The following STXBP4 variants were observed in gnomAD, a reference collection of about 807,000 sequenced individuals.
The protein encoded by STXBP4 is syntaxin-binding protein 4.
In STXBP4, 55 loss-of-function variants were observed where a neutral mutation model predicts 76.1. That is an observed-to-expected ratio of 0.72 (90% CI 0.58 to 0.91). The LOEUF is 0.91. Among genes scored for constraint, STXBP4 ranks in the 40% least tolerant of loss-of-function variants. The pLI is 0.00. For synonymous variants in STXBP4, 201 were observed against 220.2 expected (o/e 0.91, Z 0.77); for missense variants, 618 against 636.9 (o/e 0.97, Z 0.32).
At chr17:54,993,488 T>A (rs950757875) in intron 4 of STXBP4, among the ~76,000 whole-genome samples, 4 of 53,970 alleles carry the variant, frequency 7.4e-5, no homozygotes, top group Admixed American at 3.9e-4. Context: ...AATAAAAAAA[T>A]TTATAGAAGT....
intron 17 of STXBP4, among the ~76,000 whole-genome samples, chr17:55,155,752 T>A (rs958097331): frequency 6.6e-6 from 1 of 152,132 alleles, no homozygotes; most frequent in Admixed American, 6.6e-5. Flanking sequence ...GTTGTCCTAA[T>A]TTTTATTTTG....
chr17:55,023,520 A>C (rs373153446), intron 8 of STXBP4, among the ~76,000 whole-genome samples: 2 of 152,276 alleles, frequency 1.3e-5, no homozygotes, highest in African/African-American at 4.8e-5. Flanking sequence ...AAAGGTGTGG[A>C]CTCAGCCACC....
At chr17:55,078,623 A>C in intron 14 of STXBP4, 63 bp from the exon 15 acceptor site, 1 of 1,040,734 alleles carries the variant, frequency 9.6e-7, no homozygotes, top group Non-Finnish European at 1.5e-6. Flanking sequence ...ATTAATGAAG[A>C]AAAGATATTT....
chr17:55,007,959 A>G (rs1276848830), intron 8 of STXBP4, among the ~76,000 whole-genome samples: 3 of 152,224 alleles, frequency 2.0e-5, no homozygotes, highest in Admixed American at 6.5e-5. Context: ...CAATCAAGTA[A>G]TAGTCCATTA....
intron 12 of STXBP4, among the ~76,000 whole-genome samples, chr17:55,055,097 A>G (rs920779354): frequency 6.6e-6 from 1 of 152,224 alleles, no homozygotes; most frequent in African/African-American, 2.4e-5. Context: ...TTAAGAGCCT[A>G]AACCTGTCAG....
intron 16 of STXBP4, among the ~76,000 whole-genome samples, chr17:55,106,206 T>C (rs2079632519): frequency 6.6e-6 from 1 of 152,214 alleles, no homozygotes; most frequent in African/African-American, 2.4e-5. Context: ...TTTACCATTA[T>C]ATAATGCCCT....
chr17:55,025,132 C>T (rs1304937033), intron 8 of STXBP4, among the ~76,000 whole-genome samples: 1 of 151,152 alleles, frequency 6.6e-6, no homozygotes, highest in Non-Finnish European at 1.5e-5. Context: ...CAGAGCGAGA[C>T]TCCGTCTCAA....
At chr17:55,090,906 AC>A (rs1175405969) in intron 16 of STXBP4, among the ~76,000 whole-genome samples, 2 of 151,412 alleles carry the variant, frequency 1.3e-5, no homozygotes, top group African/African-American at 4.9e-5. Flanking sequence ...TAGATAAAAA[AC>A]AAGAAAGGAA....
At chr17:54,986,573 T>C (rs2077629817) in intron 3 of STXBP4, among the ~76,000 whole-genome samples, 1 of 152,134 alleles carries the variant, frequency 6.6e-6, no homozygotes, top group African/African-American at 2.4e-5. Flanking sequence ...ATGCTATGAT[T>C]GTACCTGTTA....
chr17:54,969,047 C>G lies in STXBP4; in HGVS notation c.-157+232C>G, dbSNP rs577249240. Among the ~76,000 whole-genome samples, 87 of 152,324 alleles carry G rather than the reference C, an allele frequency of 5.7e-4. 1 individual carries two copies. Among genetic ancestry groups the G allele is most frequent in the African/African-American group, 2.1e-3 (86 of 41,564 alleles). Reference sequence around the variant, plus strand: ...GGTCCCTTGGCCGCTGGCTCCTGTGCTCACTGCCCTGGACTTAGTTCAAGT... The same window carrying G: ...GGTCCCTTGGCCGCTGGCTCCTGTGGTCACTGCCCTGGACTTAGTTCAAGT... On this transcript the variant is annotated intron_variant, in intron 1 of 17. Transcript: ENST00000376352.
At chr17:55,192,942 A>G in the STXBP4 span, among the ~76,000 whole-genome samples, 1 of 152,316 alleles carries the variant, frequency 6.6e-6, no homozygotes, top group Non-Finnish European at 1.5e-5. Context: ...TAGTAGAGCC[A>G]GATTTCAAAC....
intron 12 of STXBP4, among the ~76,000 whole-genome samples, chr17:55,056,648 A>G (rs902263697): frequency 6.6e-6 from 1 of 152,148 alleles, no homozygotes; most frequent in Non-Finnish European, 1.5e-5. Flanking sequence ...GCTGCAGTGA[A>G]TTATGATCAT....
At chr17:55,004,014 A>C (rs2077962369) in intron 7 of STXBP4, among the ~76,000 whole-genome samples, 1 of 151,762 alleles carries the variant, frequency 6.6e-6, no homozygotes, top group African/African-American at 2.4e-5. Context: ...TCTACTAAAA[A>C]TAGAAAAAAA....
At chr17:55,185,593 A>T in the STXBP4 span, among the ~76,000 whole-genome samples, 1 of 152,346 alleles carries the variant, frequency 6.6e-6, no homozygotes, top group Admixed American at 6.5e-5. Context: ...GCATTATAAC[A>T]TGAGCAACTT....
At chr17:55,115,006 G>A (rs1332885081) in intron 16 of STXBP4, among the ~76,000 whole-genome samples, 2 of 151,952 alleles carry the variant, frequency 1.3e-5, no homozygotes, top group African/African-American at 4.8e-5. Flanking sequence ...TATTGAAAAT[G>A]TTTTTGCCCT....
At chr17:55,047,203 T>C in intron 12 of STXBP4, 49 bp downstream of exon 12, 1 of 1,064,708 alleles carries the variant, frequency 9.4e-7, no homozygotes. Context: ...TGTGTGTGTG[T>C]GTGTGTGTGT....
At chr17:55,033,316 G>A (rs1435733271) in intron 9 of STXBP4, among the ~76,000 whole-genome samples, 1 of 152,162 alleles carries the variant, frequency 6.6e-6, no homozygotes. Context: ...GGAGGTTGCA[G>A]TGAGCCAAGA....
chr17:55,185,278 T>TCTTCTTCTC, the STXBP4 span, among the ~76,000 whole-genome samples: 1 of 89,052 alleles, frequency 1.1e-5, no homozygotes, highest in African/African-American at 4.8e-5. Flanking sequence ...TCCTTCTCCT[T>TCTTCTTCTC]CTCCTTCTCC....
intron 8 of STXBP4, among the ~76,000 whole-genome samples, chr17:55,013,528 T>C (rs530675599): frequency 1.3e-5 from 2 of 152,358 alleles, no homozygotes; most frequent in African/African-American, 4.8e-5. Flanking sequence ...ATAGGCTGGA[T>C]ACATTCCTCA....
Sources: gnomAD v4.1 joint callset for allele counts (sites outside exome capture counted in the v4.1 genomes callset) on GRCh38, gnomAD v4.1.1 for gene constraint, MANE v1.5 for transcripts, NCBI Gene and HGNC (gene_info 2026-07-23, HGNC 2026-07-21) for gene names.